The following APBA1 variants were observed in gnomAD, a reference collection of about 807,000 sequenced individuals.
The protein encoded by APBA1 is amyloid-beta A4 precursor protein-binding family A member 1.
A neutral mutation model predicts 86.6 loss-of-function variants in APBA1; 55 were observed. The observed-to-expected ratio is 0.64, with a 90% confidence interval of 0.51 to 0.80. The LOEUF (loss-of-function observed/expected upper bound fraction) is 0.80. Among genes scored for constraint, APBA1 ranks in the 30% least tolerant of loss-of-function variants. The pLI is 0.00. For missense variants in APBA1, 1,090 were observed against 1,183.0 expected (o/e 0.92, Z 1.15); for synonymous variants, 511 against 493.9 (o/e 1.03, Z -0.46).
chr9:69,645,034 G>A (rs767313299), intron 1 of APBA1, among the ~76,000 whole-genome samples: 4 of 152,120 alleles, frequency 2.6e-5, no homozygotes, highest in Non-Finnish European at 4.4e-5. Flanking sequence ...GGGGACTGGG[G>A]GTGGGAGAGG....
At chr9:69,505,560 G>T (rs1461500191) in intron 2 of APBA1, among the ~76,000 whole-genome samples, 1 of 152,116 alleles carries the variant, frequency 6.6e-6, no homozygotes, top group Non-Finnish European at 1.5e-5. Flanking sequence ...GGATGGAGCA[G>T]AGATAAACGC....
chr9:69,516,263 C>A lies in APBA1; in HGVS notation c.948G>T (p.Leu316=). ...PAGGRPDSPG[L]QAPAGQQRAV... ...CCCGCTGCTGCCCCGCCGGCGCCTGCAGCCCGGGGCTGTCGGGGCGACCCC... is the reference window on the plus strand; with the variant it reads ...CCCGCTGCTGCCCCGCCGGCGCCTGAAGCCCGGGGCTGTCGGGGCGACCCC... Residue 316 remains leucine, a synonymous_variant, in exon 2 of 13, where the codon CTG becomes CTT. Transcript: ENST00000265381. This position sits in a 1 kb window ranked among gnomAD's most constrained non-coding sequence, Gnocchi z 7.3. 7.3e-7 allele frequency: 1 copy of A among 1,374,438 alleles called. No homozygotes were observed. Among genetic ancestry groups the A allele is most frequent in the South Asian group, 1.7e-5 (1 of 59,144 alleles). The allele number at this position is 1,374,438 out of a possible 1,614,324, so 85.1% of individuals were successfully genotyped here.
chr9:69,576,863 A>T (rs899468140), intron 1 of APBA1, among the ~76,000 whole-genome samples: 1 of 152,238 alleles, frequency 6.6e-6, no homozygotes, highest in African/African-American at 2.4e-5. Context: ...TAATAAAAAA[A>T]TTATGCATTA....
At chr9:69,558,382 T>A (rs1836894498) in intron 1 of APBA1, among the ~76,000 whole-genome samples, 1 of 152,050 alleles carries the variant, frequency 6.6e-6, no homozygotes, top group South Asian at 2.1e-4. Context: ...AATTTCTAAT[T>A]ACTATGTCTT....
chr9:69,667,345 C>T (rs977337333), intron 1 of APBA1, among the ~76,000 whole-genome samples: 8 of 152,046 alleles, frequency 5.3e-5, no homozygotes, highest in African/African-American at 1.9e-4. Context: ...CAAATTCCTG[C>T]TTTTCAAACA....
chr9:69,664,949 T>C (rs1325151143), intron 1 of APBA1, among the ~76,000 whole-genome samples: 1 of 152,234 alleles, frequency 6.6e-6, no homozygotes, highest in Non-Finnish European at 1.5e-5. Context: ...GATACCTCTG[T>C]GCTGTGTTAA....
At chr9:69,612,568 T>TG (rs1172313548) in intron 1 of APBA1, among the ~76,000 whole-genome samples, 2 of 152,032 alleles carry the variant, frequency 1.3e-5, no homozygotes, top group African/African-American at 4.8e-5. Context: ...CTAAAAATTA[T>TG]GAAATTGCTC....
At chr9:69,548,130 C>T (rs1164393707) in intron 1 of APBA1, among the ~76,000 whole-genome samples, 1 of 152,122 alleles carries the variant, frequency 6.6e-6, no homozygotes, top group Non-Finnish European at 1.5e-5. Flanking sequence ...ATGAGGAGGA[C>T]TTGGCACAAT....
At chr9:69,458,486 C>G (rs908797060) in intron 5 of APBA1, among the ~76,000 whole-genome samples, 1 of 152,126 alleles carries the variant, frequency 6.6e-6, no homozygotes, top group Admixed American at 6.5e-5. Flanking sequence ...CTTTATTGTA[C>G]GCCTGGTTTT....
rs2026384 is a variant in APBA1, at chr9:69,451,730, A to C, written c.1968+392T>G. 5.6e-3 allele frequency among the ~76,000 whole-genome samples: 858 copies of C among 152,196 alleles called. 9 individuals carry two copies. The highest frequency in any genetic ancestry group is 0.019 in the African/African-American group (802 of 41,526). ...CACAGCACCTCTTGTCTGAAACTTG[A>C]GATCTTCTCTGTTTGTCCAAGTGTA... On this transcript the variant is annotated intron_variant, in intron 9 of 12. Transcript: ENST00000265381.
intron 1 of APBA1, among the ~76,000 whole-genome samples, chr9:69,656,566 T>C (rs532166936): frequency 1.3e-4 from 20 of 152,304 alleles, no homozygotes; most frequent in African/African-American, 4.6e-4. Flanking sequence ...CTGAAAGTGG[T>C]TGATATTGAC....
At chr9:69,637,237 T>A (rs1823198139) in intron 1 of APBA1, among the ~76,000 whole-genome samples, 3 of 152,048 alleles carry the variant, frequency 2.0e-5, no homozygotes, top group Admixed American at 2.0e-4. Context: ...TTGGGGAGGA[T>A]GAAGTAGGGA....
intron 1 of APBA1, among the ~76,000 whole-genome samples, chr9:69,547,269 T>C (rs936174696): frequency 2.0e-5 from 3 of 152,122 alleles, no homozygotes; most frequent in Admixed American, 6.5e-5. Context: ...TCTTTCCAGC[T>C]CTCCAGTCAG....
chr9:69,541,254 C>T (rs1051009154), intron 1 of APBA1, among the ~76,000 whole-genome samples: 1 of 122,104 alleles, frequency 8.2e-6, no homozygotes, highest in African/African-American at 2.7e-5. Context: ...TTTAGGGACC[C>T]CCCCCCCCAT....
intron 1 of APBA1, among the ~76,000 whole-genome samples, chr9:69,533,936 C>T (rs1438624405): frequency 6.6e-6 from 1 of 152,200 alleles, no homozygotes; most frequent in Non-Finnish European, 1.5e-5. Flanking sequence ...TTCTGCACCT[C>T]CTTCCACTGT....
chr9:69,492,330 CA>C (rs1296616122), intron 2 of APBA1, among the ~76,000 whole-genome samples: 2 of 152,092 alleles, frequency 1.3e-5, no homozygotes, highest in African/African-American at 4.8e-5. Flanking sequence ...TGGGCACCGG[CA>C]AAGCATTCAA....
intron 5 of APBA1, among the ~76,000 whole-genome samples, chr9:69,467,285 T>C (rs1001925588): frequency 8.5e-5 from 13 of 152,244 alleles, no homozygotes; most frequent in Non-Finnish European, 1.8e-4. Flanking sequence ...AAACATGTTA[T>C]GATTGGCTCA....
intron 1 of APBA1, among the ~76,000 whole-genome samples, chr9:69,596,303 A>G (rs543237636): frequency 6.6e-6 from 1 of 152,206 alleles, no homozygotes; most frequent in Admixed American, 6.5e-5. Context: ...ATCTATTTAT[A>G]TGTTGGGATT....
chr9:69,595,239 A>G (rs370827585), intron 1 of APBA1, among the ~76,000 whole-genome samples: 5 of 152,216 alleles, frequency 3.3e-5, no homozygotes, highest in Admixed American at 1.3e-4. Flanking sequence ...CAAGCAGTCA[A>G]TAAGTCAAAG....
Sources: allele counts gnomAD v4.1 joint callset (sites outside exome capture counted in the v4.1 genomes callset), GRCh38; gene constraint gnomAD v4.1.1; non-coding constraint Gnocchi (gnomAD v3.1); transcripts MANE v1.5; gene names NCBI Gene and HGNC (gene_info 2026-07-23, HGNC 2026-07-21).